Variants in TTYH3 observed in about 807,000 individuals in gnomAD.
TTYH3 encodes the protein tweety family member 3.
TTYH3 carries 23 observed loss-of-function variants against 68.2 expected under a neutral mutation model. The observed-to-expected ratio is 0.34, with a 90% CI of 0.24 to 0.48. The LOEUF is 0.48. Ranked by LOEUF, TTYH3 falls within the 20% of genes least tolerant of loss-of-function variation. TTYH3 has a pLI of 0.99. For synonymous variants in TTYH3, 360 were observed against 332.8 expected, an observed-to-expected ratio of 1.08 and a Z score of -0.89; for missense variants, 768 against 727.7, an observed-to-expected ratio of 1.06 and a Z score of -0.64.
intron 7 of TTYH3, 85 bp from the exon 8 acceptor site, chr7:2,652,102 A>C: frequency 8.6e-7 from 1 of 1,156,280 alleles, no homozygotes; most frequent in South Asian, 1.2e-5. Context: ...TGCCCTGAAG[A>C]TATGCGTGCA....
chr7:2,658,836 ATGTGCCCATC>A, intron 12 of TTYH3, 94 bp from the exon 13 acceptor site: 1 of 1,076,296 alleles, frequency 9.3e-7, no homozygotes, highest in Non-Finnish European at 1.4e-6. Flanking sequence ...GTGAGAATGG[ATGTGCCCATC>A]TGGGCACAGC....
At chr7:2,641,484 C>T (rs1785844477) in intron 1 of TTYH3, among the ~76,000 whole-genome samples, 1 of 152,318 alleles carries the variant, frequency 6.6e-6, no homozygotes, top group East Asian at 1.9e-4. Flanking sequence ...CCCCCAGCCC[C>T]CTTGGCACAT....
chr7:2,649,034 G>A (rs1786086357), intron 5 of TTYH3, among the ~76,000 whole-genome samples: 2 of 151,006 alleles, frequency 1.3e-5, no homozygotes. Context: ...ACTCGTGGTG[G>A]GGGCACCTGC....
rs911413483 is a variant in TTYH3 at position 2,649,522 on chromosome 7, C to T, written c.723-45C>T. On this transcript the variant is annotated intron_variant, in intron 5 of 13. Transcript: ENST00000258796. ...CCTGCAGCCCAGCAGGTGGCACGGC[C>T]CCCACCCTGGCCTGGGGGCTGCTGA... is the stretch of plus-strand genomic sequence containing the variant. The T allele has an allele frequency of 1.0e-5, 16 of 1,540,566 alleles. No homozygotes were observed. The Middle Eastern group carries it at 5.6e-4, about 54-fold the overall frequency.
At chr7:2,660,000 A>G (rs1171673288) in intron 13 of TTYH3, 1 of 1,303,686 alleles carries the variant, frequency 7.7e-7, no homozygotes, top group African/African-American at 1.5e-5. Context: ...GCCCATGGAC[A>G]GTGCCCGAAC....
intron 1 of TTYH3, among the ~76,000 whole-genome samples, chr7:2,638,279 C>T (rs945967450): frequency 6.6e-6 from 1 of 151,924 alleles, no homozygotes; most frequent in Non-Finnish European, 1.5e-5. Flanking sequence ...GGGTGTCACG[C>T]TGGGAGATGT....
rs970993783 is a variant in TTYH3, at chr7:2,648,289, A to C, written c.722+235A>C. The C allele has an allele frequency of 1.7e-5, 9 of 521,618 alleles. No homozygotes were observed. In the Admixed American group the frequency reaches 2.9e-4, roughly 17 times the overall value. 32.3% of individuals were successfully genotyped at this position (521,618 alleles called of 1,614,324 possible). On this transcript the variant is annotated intron_variant, in intron 5 of 13. Coordinates refer to ENST00000258796, the MANE Select transcript of TTYH3 (RefSeq NM_025250.3). ...CCCCCAGCCCTTGATTTCCTGCAAG[A>C]GTCTGCACGTGGGGCACTTGTAGCC...
intron 8 of TTYH3, 68 bp downstream of exon 8, chr7:2,652,310 C>G: frequency 7.0e-7 from 1 of 1,420,882 alleles, no homozygotes; most frequent in Non-Finnish European, 9.8e-7. Flanking sequence ...TGTGGAGGGG[C>G]CCAGCAGGCC....
chr7:2,641,621 T>C (rs1785848708), intron 1 of TTYH3, among the ~76,000 whole-genome samples: 1 of 152,234 alleles, frequency 6.6e-6, no homozygotes, highest in South Asian at 2.1e-4. Flanking sequence ...GCCCAGCTGC[T>C]GATCAGACAG....
Position 2,650,711 on chromosome 7 carries a change from CA to C in TTYH3, c.871+724del, listed in dbSNP as rs375485443. 3.2e-3 allele frequency among the ~76,000 whole-genome samples: 492 copies of C among 152,042 alleles called. 6 individuals are homozygous for C. The highest frequency in any genetic ancestry group is 0.011 in the African/African-American group (460 of 41,498). ...CTCTGTGGCAAGCTTCGCTTTATTC[CA>C]GGGGGAGGCCATTGGAGGGAGGGAG... On this transcript the variant is annotated intron_variant, in intron 7 of 13. Coordinates refer to ENST00000258796, the MANE Select transcript of TTYH3 (RefSeq NM_025250.3).
In TTYH3 at chr7:2,647,947, G is replaced by C. The variant is rs776232710; in HGVS notation, c.627-12G>C. On this transcript the variant is annotated splice_polypyrimidine_tract_variant and intron_variant, in intron 4 of 13. Transcript: ENST00000258796. ...TCCCTGTGCCCTGGCGCACTCCCAG[G>C]TTTGCCTGCAGGTGGCTGGGCTACC... 2 of 1,605,792 alleles carry C rather than the reference G, an allele frequency of 1.2e-6. No individual in the cohort carries two copies. The highest frequency in any genetic ancestry group is 2.2e-5 in the South Asian group (2 of 91,076).
At position 2,664,253 on chromosome 7, in the gene TTYH3, C is replaced by T. The variant is rs983996880; in HGVS notation, c.*2514C>T. ...TGGGAGCAGCCCCTGGCCCATTGCC[C>T]ACCCACCCATCTCACTATGCAATTC... On this transcript the variant is annotated 3_prime_UTR_variant, in exon 14 of 14. Transcript: ENST00000258796. 6.6e-6 allele frequency: 1 copy of T among 152,654 alleles called. No homozygotes were observed. Among genetic ancestry groups the T allele is most frequent in the Admixed American group, 6.5e-5 (1 of 15,278 alleles). 9.5% of individuals were successfully genotyped at this position (152,654 alleles called of 1,614,324 possible).
intron 1 of TTYH3, among the ~76,000 whole-genome samples, chr7:2,639,092 G>A (rs1785759735): frequency 1.3e-5 from 2 of 152,160 alleles, no homozygotes; most frequent in South Asian, 4.1e-4. Context: ...ACCCCAGCCA[G>A]CCTCTCAGAC....
At chr7:2,660,876 C>T (rs1786476489) in intron 13 of TTYH3, among the ~76,000 whole-genome samples, 1 of 152,202 alleles carries the variant, frequency 6.6e-6, no homozygotes, top group Non-Finnish European at 1.5e-5. Flanking sequence ...ATGCCTCGCA[C>T]ATGTGGGTTT....
chr7:2,660,566 T>TCCCGC, intron 13 of TTYH3: 4 of 938,604 alleles, frequency 4.3e-6, no homozygotes, highest in African/African-American at 1.9e-5. Context: ...TCCCGCCCCG[T>TCCCGC]CCCGCCCCCA....
At chr7:2,658,892 A>T (rs1203950910) in intron 12 of TTYH3, 48 bp from the exon 13 acceptor site, 1 of 1,584,250 alleles carries the variant, frequency 6.3e-7, no homozygotes. Context: ...TGCAGCTGGG[A>T]CTGCATGGCC....
chr7:2,656,477 C>G lies in TTYH3; in HGVS notation c.1193C>G (p.Thr398Arg). The G allele has an allele frequency of 3.1e-6, 5 of 1,612,444 alleles. No individual in the cohort carries two copies. The highest frequency in any genetic ancestry group is 4.2e-6 in the Non-Finnish European group (5 of 1,179,838). Residue 398 changes from threonine to arginine, a missense_variant, in exon 11 of 14, where the codon ACA becomes AGA. Thr to Arg is a moderately conservative substitution (Grantham distance 71, BLOSUM62 -1). Transcript: ENST00000258796. ...LIYLALFSFV[T>R]ALMFSSIVCS... is the part of the protein sequence containing the mutation. ...TACCTGGCCCTCTTCTCCTTCGTCA[C>G]AGCCCTCATGTTCAGCTCCATCGTC...
At chr7:2,644,389 G>C (rs1785929642) in intron 1 of TTYH3, among the ~76,000 whole-genome samples, 1 of 152,212 alleles carries the variant, frequency 6.6e-6, no homozygotes, top group African/African-American at 2.4e-5. Context: ...ACAGAGCATG[G>C]GTACCGTGCT....
At chr7:2,660,482 C>T (rs1279956051) in intron 13 of TTYH3, 9 of 985,304 alleles carry the variant, frequency 9.1e-6, no homozygotes, top group South Asian at 4.7e-5. Context: ...GAGCTTCTCC[C>T]GCTGGCCCCA....
Sources: gnomAD v4.1 joint callset for allele counts (sites outside exome capture counted in the v4.1 genomes callset) on GRCh38, gnomAD v4.1.1 for gene constraint, MANE v1.5 for transcripts, NCBI Gene and HGNC (gene_info 2026-07-23, HGNC 2026-07-21) for gene names.